TENM3: variants seen among roughly 807,000 people sequenced by gnomAD.
TENM3 encodes teneurin-3.
In TENM3, 63 loss-of-function variants were observed where a neutral mutation model predicts 255.1. The observed-to-expected ratio is 0.25, with a 90% confidence interval of 0.20 to 0.30. TENM3 has a LOEUF of 0.30. Among genes scored for constraint, TENM3 ranks in the 10% least tolerant of loss-of-function variants. The probability of loss-of-function intolerance (pLI) is 1.00; values close to 1 mark genes in which losing one functional copy is unlikely to be tolerated. For synonymous variants in TENM3, 1,306 were observed against 1,322.3 expected, an observed-to-expected ratio of 0.99 and a Z score of 0.27; for missense variants, 2,929 against 3,461.1, an observed-to-expected ratio of 0.85 and a Z score of 3.86.
chr4:181,600,078 A>T, the TENM3 span, among the ~76,000 whole-genome samples: 2 of 152,210 alleles, frequency 1.3e-5, no homozygotes, highest in African/African-American at 4.8e-5. Flanking sequence ...TATACAGCTA[A>T]TGCTGCATGT....
the TENM3 span, among the ~76,000 whole-genome samples, chr4:182,119,500 C>T: frequency 2.0e-5 from 3 of 152,224 alleles, no homozygotes; most frequent in African/African-American, 7.2e-5. Flanking sequence ...GTTTCTGCTC[C>T]ACGGATACAG....
the TENM3 span, chr4:181,976,496 G>C: frequency 6.6e-6 from 1 of 152,146 alleles, no homozygotes; most frequent in East Asian, 1.9e-4. Flanking sequence ...CAGGTACTAG[G>C]GGGTAGGACT....
chr4:181,790,923 G>C, the TENM3 span, among the ~76,000 whole-genome samples: 1 of 152,254 alleles, frequency 6.6e-6, no homozygotes, highest in African/African-American at 2.4e-5. Flanking sequence ...TTAGTCCTAG[G>C]GTTCAAGTAC....
At chr4:181,775,598 C>T in the TENM3 span, among the ~76,000 whole-genome samples, 1 of 152,084 alleles carries the variant, frequency 6.6e-6, no homozygotes, top group Non-Finnish European at 1.5e-5. Flanking sequence ...AATTATCAAA[C>T]AGGAAGAAGT....
chr4:181,555,931 T>C, the TENM3 span, among the ~76,000 whole-genome samples: 11,912 of 152,234 alleles, frequency 0.078, 558 homozygotes, highest in Middle Eastern at 0.12. Context: ...AGAGAGAACA[T>C]GGGTATTGAT....
chr4:182,487,159 G>A (rs962126602), intron 3 of TENM3, among the ~76,000 whole-genome samples: 4 of 152,146 alleles, frequency 2.6e-5, no homozygotes, highest in Admixed American at 2.6e-4. Flanking sequence ...GATACAATGT[G>A]GAAGAGAAAC....
At chr4:182,025,120 G>C in the TENM3 span, among the ~76,000 whole-genome samples, 24 of 148,100 alleles carry the variant, frequency 1.6e-4, no homozygotes, top group Non-Finnish European at 3.3e-4. Context: ...GCTCCGCCTT[G>C]CGGGTTCACG....
At chr4:181,917,232 G>T in the TENM3 span, among the ~76,000 whole-genome samples, 1 of 152,154 alleles carries the variant, frequency 6.6e-6, no homozygotes, top group Admixed American at 6.5e-5. Flanking sequence ...GTAAACTGCA[G>T]ATATAAGCAT....
chr4:182,753,896 A>C (rs1381352671), intron 21 of TENM3, among the ~76,000 whole-genome samples: 1 of 152,240 alleles, frequency 6.6e-6, no homozygotes, highest in Non-Finnish European at 1.5e-5. Flanking sequence ...AAAGAACCAA[A>C]CAACTGAAAT....
the TENM3 span, among the ~76,000 whole-genome samples, chr4:181,587,098 C>T: frequency 6.6e-6 from 1 of 152,146 alleles, no homozygotes; most frequent in Non-Finnish European, 1.5e-5. Context: ...ACAAACCATA[C>T]TTTTTTACCT....
the TENM3 span, among the ~76,000 whole-genome samples, chr4:181,866,258 A>G: frequency 6.6e-6 from 1 of 152,208 alleles, no homozygotes; most frequent in Non-Finnish European, 1.5e-5. Flanking sequence ...AGCTATAGCT[A>G]AAATCACAGT....
intron 3 of TENM3, among the ~76,000 whole-genome samples, chr4:182,504,039 C>G (rs1417281479): frequency 2.6e-5 from 4 of 151,634 alleles, no homozygotes; most frequent in Non-Finnish European, 5.9e-5. Flanking sequence ...TATTTACTGC[C>G]TTTCCCAACT....
At chr4:181,882,630 C>G in the TENM3 span, among the ~76,000 whole-genome samples, 1 of 152,198 alleles carries the variant, frequency 6.6e-6, no homozygotes, top group East Asian at 1.9e-4. Context: ...TGAAGACCTT[C>G]TTTATCAAAT....
intron 5 of TENM3, chr4:182,631,446 A>G (rs1054386412): frequency 1.3e-5 from 2 of 152,212 alleles, no homozygotes; most frequent in African/African-American, 4.8e-5. Flanking sequence ...ATTTTTAATC[A>G]GGTAAAAAAA....
At chr4:182,568,402 G>C (rs1211226209) in intron 3 of TENM3, among the ~76,000 whole-genome samples, 2 of 152,204 alleles carry the variant, frequency 1.3e-5, no homozygotes, top group Non-Finnish European at 2.9e-5. Context: ...AAGGGGCAAG[G>C]CTGCCTTTTC....
the TENM3 span, among the ~76,000 whole-genome samples, chr4:181,828,396 G>T: frequency 0.48 from 72,306 of 152,056 alleles, 18,340 homozygotes; most frequent in Middle Eastern, 0.63. Context: ...AGTGGCATTT[G>T]TACAGTGCTT....
chr4:182,433,671 A>G (rs935068659), intron 3 of TENM3, among the ~76,000 whole-genome samples: 1 of 152,254 alleles, frequency 6.6e-6, no homozygotes, highest in African/African-American at 2.4e-5. Context: ...AGTCAGTAGC[A>G]TTCAATGAGG....
intron 24 of TENM3, among the ~76,000 whole-genome samples, chr4:182,776,982 A>G (rs761554902): frequency 8.5e-5 from 13 of 152,344 alleles, no homozygotes; most frequent in Middle Eastern, 3.4e-3. Flanking sequence ...ATAAGATTGG[A>G]TGTGCCAGCT....
the TENM3 span, among the ~76,000 whole-genome samples, chr4:181,800,662 A>G: frequency 6.6e-6 from 1 of 152,142 alleles, no homozygotes; most frequent in Non-Finnish European, 1.5e-5. Flanking sequence ...TATAGAGGGA[A>G]CAGTTCAGGT....
Sources: allele counts gnomAD v4.1 joint callset (sites outside exome capture counted in the v4.1 genomes callset), GRCh38; gene constraint gnomAD v4.1.1; transcripts MANE v1.5; gene names NCBI Gene and HGNC (gene_info 2026-07-23, HGNC 2026-07-21).